The following KCNQ3 variants were observed in gnomAD, a reference collection of about 807,000 sequenced individuals.
KCNQ3 encodes potassium voltage-gated channel subfamily Q member 3.
A neutral mutation model predicts 92.5 loss-of-function variants in KCNQ3; 30 were observed. That is an observed-to-expected ratio of 0.32 (90% CI 0.24 to 0.44). KCNQ3 has a LOEUF of 0.44. Among genes scored for constraint, KCNQ3 ranks in the 20% least tolerant of loss-of-function variants. The probability of loss-of-function intolerance (pLI) is 1.00; values close to 1 mark genes in which losing one functional copy is unlikely to be tolerated. For missense variants in KCNQ3, 913 were observed against 1,140.3 expected, an observed-to-expected ratio of 0.80 and a Z score of 2.87; for synonymous variants, 450 against 468.8, an observed-to-expected ratio of 0.96 and a Z score of 0.52.
At chr8:132,280,256 C>T (rs534474685) in intron 1 of KCNQ3, among the ~76,000 whole-genome samples, 3 of 152,228 alleles carry the variant, frequency 2.0e-5, no homozygotes, top group Non-Finnish European at 2.9e-5. Flanking sequence ...TCTTGCGCTG[C>T]TATAAAAAAT....
chr8:132,479,990 A>ACACACACC (rs1554660746), intron 1 of KCNQ3, among the ~76,000 whole-genome samples, 157 bp downstream of exon 1: 1 of 147,696 alleles, frequency 6.8e-6, no homozygotes, highest in African/African-American at 2.5e-5. Context: ...ACACACACAC[A>ACACACACC]CACCCAGGGA....
intron 1 of KCNQ3, among the ~76,000 whole-genome samples, chr8:132,366,578 C>T (rs73708411): frequency 0.013 from 1,966 of 152,182 alleles, 39 homozygotes; most frequent in African/African-American, 0.045. Context: ...ATTGTTTTCT[C>T]AGTAAGCATG....
chr8:132,282,957 T>A (rs1196532604), intron 1 of KCNQ3, among the ~76,000 whole-genome samples: 1 of 151,672 alleles, frequency 6.6e-6, no homozygotes, highest in African/African-American at 2.4e-5. Flanking sequence ...AGGAAGGAGC[T>A]CAGTGAGGAA....
intron 1 of KCNQ3, among the ~76,000 whole-genome samples, chr8:132,446,834 C>T (rs999850167): frequency 2.0e-5 from 3 of 152,146 alleles, no homozygotes; most frequent in Non-Finnish European, 4.4e-5. Flanking sequence ...AGCAGGCTGC[C>T]TCCCAAACAG....
intron 1 of KCNQ3, among the ~76,000 whole-genome samples, chr8:132,296,551 C>G (rs558294430): frequency 6.6e-6 from 1 of 152,032 alleles, no homozygotes; most frequent in Non-Finnish European, 1.5e-5. Context: ...CCCCCCACCC[C>G]ACAACAGTCC....
intron 1 of KCNQ3, among the ~76,000 whole-genome samples, chr8:132,348,316 T>C (rs1207016836): frequency 1.3e-5 from 2 of 152,200 alleles, no homozygotes; most frequent in Admixed American, 1.3e-4. Flanking sequence ...TGTGTAAATT[T>C]GCAACAGACG....
At chr8:132,140,397 G>A (rs190329635) in intron 10 of KCNQ3, 96 of 549,454 alleles carry the variant, frequency 1.7e-4, no homozygotes, top group Admixed American at 5.3e-4. Context: ...AAAAGTGTGC[G>A]CAGCTCATGA....
chr8:132,295,304 T>C (rs564794120), intron 1 of KCNQ3, among the ~76,000 whole-genome samples: 103 of 152,206 alleles, frequency 6.8e-4, no homozygotes, highest in African/African-American at 2.3e-3. Context: ...CACTGATAAT[T>C]AGAGAAATGC....
At chr8:132,239,550 G>A (rs1031635) in intron 1 of KCNQ3, among the ~76,000 whole-genome samples, 87,851 of 152,038 alleles carry the variant, frequency 0.58, 26,085 homozygotes, top group East Asian at 0.77. Context: ...AGCCTTGTAT[G>A]TTAACGTTGA....
intron 1 of KCNQ3, among the ~76,000 whole-genome samples, chr8:132,367,787 A>G (rs1405718512): frequency 6.6e-6 from 1 of 152,196 alleles, no homozygotes; most frequent in Non-Finnish European, 1.5e-5. Flanking sequence ...AGAATTAAAT[A>G]TGCTCATGAG....
intron 1 of KCNQ3, among the ~76,000 whole-genome samples, chr8:132,449,314 A>T (rs1821766733): frequency 6.6e-6 from 1 of 151,818 alleles, no homozygotes; most frequent in Non-Finnish European, 1.5e-5. Context: ...TGATCATGCC[A>T]CTCCCGACCG....
In KCNQ3 at chr8:132,172,584, C is replaced by T. The variant is rs370219417; in HGVS notation, c.1140+14G>A. The stretch of plus-strand genomic sequence containing the variant: ...ATCTTAATCCCATTCCAGTTCATTC[C>T]CAGGCAGACAGACCTGAATGAGCTC... On this transcript the variant is annotated intron_variant, in intron 7 of 14. Transcript: ENST00000388996. The T allele has an allele frequency of 8.1e-6, 13 of 1,609,626 alleles. No individual in the cohort carries two copies. Among genetic ancestry groups the T allele is most frequent in the African/African-American group, 1.3e-5 (1 of 74,836 alleles).
At chr8:132,259,682 G>C (rs192610196) in intron 1 of KCNQ3, among the ~76,000 whole-genome samples, 1 of 152,082 alleles carries the variant, frequency 6.6e-6, no homozygotes, top group Non-Finnish European at 1.5e-5. Flanking sequence ...TAAATAAAAG[G>C]CATCTGAACT....
chr8:132,296,678 T>C (rs1563846356), intron 1 of KCNQ3, among the ~76,000 whole-genome samples: 2 of 152,182 alleles, frequency 1.3e-5, no homozygotes, highest in Admixed American at 6.5e-5. Context: ...CTGAGAATGA[T>C]GGTTTCCAGT....
intron 1 of KCNQ3, among the ~76,000 whole-genome samples, chr8:132,319,490 G>A (rs1484664287): frequency 3.3e-5 from 5 of 152,146 alleles, no homozygotes; most frequent in East Asian, 3.9e-4. Flanking sequence ...ACACGCAGGC[G>A]CCTTTAGAAC....
chr8:132,349,110 G>A (rs769917604), intron 1 of KCNQ3, among the ~76,000 whole-genome samples: 20 of 152,132 alleles, frequency 1.3e-4, no homozygotes, highest in Non-Finnish European at 2.4e-4. Flanking sequence ...CCACACTTCC[G>A]CCCTGGGAGC....
In KCNQ3 at chr8:132,362,032, G is replaced by A. The variant is rs1819187271; in HGVS notation, c.386+118115C>T. ...CTTATGTTTTGTGTAATTGTGAAAT[G>A]AGTAGTATTTTGAATTATAGGATGT... is the stretch of plus-strand genomic sequence containing the variant. On this transcript the variant is annotated intron_variant, in intron 1 of 14. Transcript: ENST00000388996. 2.0e-5 allele frequency among the ~76,000 whole-genome samples: 3 copies of A among 152,218 alleles called. No homozygotes were observed. The South Asian group carries it at 6.2e-4, about 32-fold the overall frequency.
In KCNQ3 at chr8:132,124,619, G is replaced by C. The variant is rs549235231; in HGVS notation, c.*4643C>G. The C allele has an allele frequency of 1.3e-5, 2 of 152,222 alleles. No individual in the cohort carries two copies. Among genetic ancestry groups the C allele is most frequent in the African/African-American group, 4.8e-5 (2 of 41,448 alleles). The allele number at this position is 152,222 out of a possible 1,614,324, so 9.4% of individuals were successfully genotyped here. On this transcript the variant is annotated 3_prime_UTR_variant, in exon 15 of 15. Coordinates refer to ENST00000388996, the MANE Select transcript of KCNQ3 (RefSeq NM_004519.4). ...GGCATTAGTGAGGGGCTGCCTGCTG[G>C]CTTGTTTAGGGGCCAGTTGGCTCAG...
chr8:132,429,568 G>C (rs1821194490), intron 1 of KCNQ3, among the ~76,000 whole-genome samples: 2 of 152,102 alleles, frequency 1.3e-5, no homozygotes. Flanking sequence ...CCCTAAGAAT[G>C]AGAGTTTTCT....
Sources: allele counts gnomAD v4.1 joint callset (sites outside exome capture counted in the v4.1 genomes callset), GRCh38; gene constraint gnomAD v4.1.1; transcripts MANE v1.5; gene names NCBI Gene and HGNC (gene_info 2026-07-23, HGNC 2026-07-21).